Variants in PIP4K2A observed in about 807,000 individuals in gnomAD.
PIP4K2A encodes phosphatidylinositol 5-phosphate 4-kinase type-2 alpha.
A neutral mutation model predicts 42.9 loss-of-function variants in PIP4K2A; 14 were observed. The ratio of observed to expected loss-of-function variants is 0.33; its 90% CI spans 0.22 to 0.51. PIP4K2A has a LOEUF of 0.51. Ranked by LOEUF, PIP4K2A falls within the 20% of genes least tolerant of loss-of-function variation. The probability of loss-of-function intolerance (pLI) is 0.97; values close to 1 mark genes in which losing one functional copy is unlikely to be tolerated. For missense variants in PIP4K2A, 434 were observed against 519.8 expected, an observed-to-expected ratio of 0.83 and a Z score of 1.61; for synonymous variants, 192 against 192.2, an observed-to-expected ratio of 1.00 and a Z score of 0.01.
chr10:22,617,345 CA>C (rs1166724697), intron 1 of PIP4K2A, among the ~76,000 whole-genome samples: 2 of 152,220 alleles, frequency 1.3e-5, no homozygotes, highest in African/African-American at 4.8e-5. Context: ...TTACGGCATA[CA>C]GGGGTGTCCC....
intron 3 of PIP4K2A, among the ~76,000 whole-genome samples, chr10:22,601,695 A>G (rs551226112): frequency 2.0e-5 from 3 of 152,308 alleles, no homozygotes; most frequent in African/African-American, 4.8e-5. Context: ...GACTGTGCCA[A>G]TCCTCACCAC....
At chr10:22,578,207 CTTT>C (rs1837168713) in intron 4 of PIP4K2A, among the ~76,000 whole-genome samples, 1 of 152,192 alleles carries the variant, frequency 6.6e-6, no homozygotes, top group Non-Finnish European at 1.5e-5. Context: ...ACAAACCCTT[CTTT>C]GACTCCATGT....
At chr10:22,650,713 T>C (rs1283633195) in intron 1 of PIP4K2A, among the ~76,000 whole-genome samples, 5 of 152,242 alleles carry the variant, frequency 3.3e-5, no homozygotes, top group Non-Finnish European at 2.9e-5. Context: ...AGGCACAGCC[T>C]AGCTGCTAGC....
intron 1 of PIP4K2A, among the ~76,000 whole-genome samples, chr10:22,659,002 T>C (rs1454183891): frequency 6.6e-6 from 1 of 152,192 alleles, no homozygotes; most frequent in Non-Finnish European, 1.5e-5. Context: ...CTGCGGAATG[T>C]ACCCCCACCA....
chr10:22,659,342 C>A (rs1278984544), intron 1 of PIP4K2A, among the ~76,000 whole-genome samples: 3 of 152,198 alleles, frequency 2.0e-5, no homozygotes, highest in Admixed American at 6.5e-5. Flanking sequence ...TGCCTGTAAT[C>A]CCAACACTTT....
intron 3 of PIP4K2A, among the ~76,000 whole-genome samples, chr10:22,593,112 A>G (rs1411559446): frequency 6.6e-6 from 1 of 152,228 alleles, no homozygotes; most frequent in Non-Finnish European, 1.5e-5. Context: ...CCATTGCAGC[A>G]GTGCAGGGGT....
chr10:22,561,565 G>GTTTTTTTTTT lies in PIP4K2A; in HGVS notation c.678+6276_678+6285dup, dbSNP rs71394001. Reference sequence around the variant, plus strand: ...TATGTCACCAGAGATTCTCTACGCAGTTTTTTTTTTTTTTTTTTTTTTTTT... The same window carrying GTTTTTTTTTT: ...TATGTCACCAGAGATTCTCTACGCAGTTTTTTTTTTTTTTTTTTTTTTTTTTTTTTTTTTT... On this transcript the variant is annotated intron_variant, in intron 6 of 9. Coordinates refer to ENST00000376573, the MANE Select transcript of PIP4K2A (RefSeq NM_005028.5). Among the ~76,000 whole-genome samples, 7 of 113,500 alleles carry GTTTTTTTTTT rather than the reference G, an allele frequency of 6.2e-5. 3 individuals are homozygous for GTTTTTTTTTT. Among genetic ancestry groups the GTTTTTTTTTT allele is most frequent in the Non-Finnish European group, 3.5e-5 (2 of 57,628 alleles). 74.5% of individuals were successfully genotyped at this position (113,500 alleles called of 152,430 possible).
rs762852935 is a variant in PIP4K2A, at chr10:22,536,595, C to G, written c.*606G>C. On this transcript the variant is annotated 3_prime_UTR_variant, in exon 10 of 10. Transcript: ENST00000376573. ...TTATCAGTGTTAGGGAGAGTGTCTG[C>G]GTGCGGGGTAGAAATGGAACATTCG... 74 of 154,082 alleles carry G rather than the reference C, an allele frequency of 4.8e-4. No individual in the cohort carries two copies. The highest frequency in any genetic ancestry group is 8.5e-4 in the Non-Finnish European group (60 of 70,200). The allele number at this position is 154,082 out of a possible 1,614,324, so 9.5% of individuals were successfully genotyped here.
At chr10:22,554,947 G>A (rs1490611330) in intron 6 of PIP4K2A, among the ~76,000 whole-genome samples, 2 of 152,194 alleles carry the variant, frequency 1.3e-5, no homozygotes, top group African/African-American at 4.8e-5. Context: ...AGGCAGGGCT[G>A]TTTTCTCTCT....
chr10:22,596,760 A>T (rs1054548874), intron 3 of PIP4K2A, among the ~76,000 whole-genome samples: 12 of 152,260 alleles, frequency 7.9e-5, no homozygotes, highest in Non-Finnish European at 1.5e-4. Flanking sequence ...CACTCAATAT[A>T]CAGATAAGAA....
intron 1 of PIP4K2A, among the ~76,000 whole-genome samples, chr10:22,652,074 G>A (rs1839006950): frequency 6.6e-6 from 1 of 151,742 alleles, no homozygotes; most frequent in South Asian, 2.1e-4. Context: ...CTTAATTTGT[G>A]TTGAATAACC....
At chr10:22,679,435 C>CCAATT (rs1213748683) in intron 1 of PIP4K2A, among the ~76,000 whole-genome samples, 1 of 152,148 alleles carries the variant, frequency 6.6e-6, no homozygotes, top group Non-Finnish European at 1.5e-5. Context: ...GGCATGGATG[C>CCAATT]AGTGAAATTA....
intron 1 of PIP4K2A, among the ~76,000 whole-genome samples, chr10:22,632,246 T>C (rs1330451710): frequency 2.6e-5 from 4 of 152,156 alleles, no homozygotes; most frequent in Non-Finnish European, 2.9e-5. Flanking sequence ...TTTCTATTAT[T>C]ACGCAGTCAT....
At chr10:22,632,308 A>G (rs1197669303) in intron 1 of PIP4K2A, among the ~76,000 whole-genome samples, 3 of 152,188 alleles carry the variant, frequency 2.0e-5, no homozygotes, top group Non-Finnish European at 4.4e-5. Flanking sequence ...TTTGTTATAT[A>G]AGATGTTAGC....
At chr10:22,599,865 C>T (rs1564437092) in intron 3 of PIP4K2A, among the ~76,000 whole-genome samples, 1 of 152,138 alleles carries the variant, frequency 6.6e-6, no homozygotes, top group Non-Finnish European at 1.5e-5. Context: ...GATGAAGCTC[C>T]CTCTGTAATG....
chr10:22,662,734 T>C (rs113167945), intron 1 of PIP4K2A, among the ~76,000 whole-genome samples: 2,919 of 151,894 alleles, frequency 0.019, 104 homozygotes, highest in African/African-American at 0.068. Flanking sequence ...GCACAGTATA[T>C]CTAGAGACAC....
At position 22,535,886 on chromosome 10, in the gene PIP4K2A, G is replaced by A. The variant is rs925508815; in HGVS notation, c.*1315C>T. 1 of 241,996 alleles carries A rather than the reference G, an allele frequency of 4.1e-6. No individual in the cohort carries two copies. Among genetic ancestry groups the A allele is most frequent in the Non-Finnish European group, 6.5e-6 (1 of 153,538 alleles). 15.0% of individuals were successfully genotyped at this position (241,996 alleles called of 1,614,324 possible). ...TCATTAGGTTGATAAATGTACATTT[G>A]GAGGAAAAAAAAATCCTTTTCCTTT... On this transcript the variant is annotated 3_prime_UTR_variant, in exon 10 of 10. Coordinates refer to ENST00000376573, the MANE Select transcript of PIP4K2A (RefSeq NM_005028.5).
intron 1 of PIP4K2A, chr10:22,642,143 T>C (rs927212968): frequency 6.6e-6 from 1 of 152,266 alleles, no homozygotes; most frequent in Non-Finnish European, 1.5e-5. Context: ...TGGTTCCAGC[T>C]GCACTGTGGG....
intron 4 of PIP4K2A, among the ~76,000 whole-genome samples, chr10:22,588,030 AT>A (rs1027414656): frequency 9.2e-5 from 14 of 152,158 alleles, no homozygotes; most frequent in Non-Finnish European, 1.9e-4. Flanking sequence ...GAATTCTCTG[AT>A]CATGTAATTA....
Sources: allele counts gnomAD v4.1 joint callset (sites outside exome capture counted in the v4.1 genomes callset), GRCh38; gene constraint gnomAD v4.1.1; transcripts MANE v1.5; gene names NCBI Gene and HGNC (gene_info 2026-07-23, HGNC 2026-07-21).